Variants in ADAM12 observed in about 807,000 individuals in gnomAD.
The protein encoded by ADAM12 is disintegrin and metalloproteinase domain-containing protein 12.
ADAM12 carries 70 observed loss-of-function variants against 106.4 expected under a neutral mutation model. The ratio of observed to expected loss-of-function variants is 0.66; its 90% CI spans 0.54 to 0.80. The LOEUF (loss-of-function observed/expected upper bound fraction) is 0.80, where lower values mean the gene tolerates loss of function less well. Among genes scored for constraint, ADAM12 ranks in the 30% least tolerant of loss-of-function variants. The pLI, the probability that ADAM12 is intolerant of heterozygous loss-of-function variation, is 0.00. For synonymous variants in ADAM12, 420 were observed against 433.5 expected, an observed-to-expected ratio of 0.97 and a Z score of 0.39; for missense variants, 1,010 against 1,171.9, an observed-to-expected ratio of 0.86 and a Z score of 2.02.
At chr10:126,061,359 T>G (rs1212138968) in intron 14 of ADAM12, among the ~76,000 whole-genome samples, 2 of 152,250 alleles carry the variant, frequency 1.3e-5, no homozygotes, top group Non-Finnish European at 2.9e-5. Flanking sequence ...TCACTATCCT[T>G]ATTTTACAGA....
chr10:126,299,013 T>G (rs1404589877), intron 2 of ADAM12, among the ~76,000 whole-genome samples: 2 of 152,180 alleles, frequency 1.3e-5, no homozygotes, highest in Non-Finnish European at 2.9e-5. Flanking sequence ...ACTAAGGACT[T>G]TTCTTCAGGA....
intron 6 of ADAM12, among the ~76,000 whole-genome samples, chr10:126,116,088 C>T (rs964175048): frequency 6.6e-6 from 1 of 152,174 alleles, no homozygotes; most frequent in Non-Finnish European, 1.5e-5. Context: ...TTCCCATTCT[C>T]CCCATTTCTC....
At chr10:126,301,212 G>T (rs1334723723) in intron 2 of ADAM12, among the ~76,000 whole-genome samples, 2 of 152,156 alleles carry the variant, frequency 1.3e-5, no homozygotes, top group African/African-American at 2.4e-5. Context: ...AGAAACCCTG[G>T]TTTAAATTTT....
intron 5 of ADAM12, among the ~76,000 whole-genome samples, chr10:126,133,589 GC>G (rs1433526364): frequency 1.6e-4 from 24 of 152,192 alleles, no homozygotes; most frequent in Admixed American, 1.4e-3. Flanking sequence ...CAGCTGGAGT[GC>G]CCCTGTAAAA....
chr10:126,099,751 G>A (rs369384266), intron 9 of ADAM12, among the ~76,000 whole-genome samples: 12 of 152,302 alleles, frequency 7.9e-5, no homozygotes, highest in African/African-American at 2.4e-4. Context: ...CAGTTCAGAC[G>A]TAGGCATTTT....
At chr10:126,038,055 G>T (rs1954090289) in intron 20 of ADAM12, among the ~76,000 whole-genome samples, 186 bp downstream of exon 20, 1 of 152,188 alleles carries the variant, frequency 6.6e-6, no homozygotes, top group African/African-American at 2.4e-5. Context: ...GGCTTCCATG[G>T]GGGCACCGTG....
intron 1 of ADAM12, among the ~76,000 whole-genome samples, chr10:126,356,435 G>A (rs1046567216): frequency 6.6e-6 from 1 of 152,188 alleles, no homozygotes; most frequent in Non-Finnish European, 1.5e-5. Context: ...AGCTTTGCCT[G>A]CCTGGGGTCA....
chr10:126,174,755 C>T (rs868150802), intron 3 of ADAM12, among the ~76,000 whole-genome samples: 5 of 148,170 alleles, frequency 3.4e-5, no homozygotes, highest in African/African-American at 1.2e-4. Flanking sequence ...TCCTCACCCC[C>T]CCTTTTTTTT....
At chr10:126,274,171 C>T (rs1372155072) in intron 3 of ADAM12, among the ~76,000 whole-genome samples, 1 of 152,120 alleles carries the variant, frequency 6.6e-6, no homozygotes, top group Admixed American at 6.5e-5. Context: ...TACCCCTGAC[C>T]GTAAGGATGT....
At chr10:126,332,182 C>G (rs575305869) in intron 1 of ADAM12, among the ~76,000 whole-genome samples, 8 of 152,214 alleles carry the variant, frequency 5.3e-5, no homozygotes, top group Non-Finnish European at 1.0e-4. Context: ...TGGTGACAGG[C>G]ACTCTTGTCA....
chr10:126,108,445 G>T (rs1955814261), intron 8 of ADAM12, 148 bp downstream of exon 8: 1 of 680,388 alleles, frequency 1.5e-6, no homozygotes, highest in Admixed American at 2.6e-5. Flanking sequence ...CAGGACCCAG[G>T]AATTACACAC....
intron 22 of ADAM12, among the ~76,000 whole-genome samples, chr10:126,019,129 G>C (rs1953712216): frequency 6.6e-6 from 1 of 152,120 alleles, no homozygotes; most frequent in Non-Finnish European, 1.5e-5. Flanking sequence ...TTGTTTAAAA[G>C]TGTGTGGCAC....
intron 12 of ADAM12, chr10:126,067,050 A>T (rs1355413243): frequency 2.1e-6 from 1 of 480,330 alleles, no homozygotes; most frequent in Non-Finnish European, 3.8e-6. Flanking sequence ...AAGGTAAAGC[A>T]GTTGTAACAT....
intron 3 of ADAM12, among the ~76,000 whole-genome samples, chr10:126,255,244 TAC>T (rs1296020195): frequency 6.6e-6 from 1 of 152,234 alleles, no homozygotes; most frequent in Non-Finnish European, 1.5e-5. Context: ...TTCCTTTTGC[TAC>T]ACTCAATGAA....
chr10:126,071,152 G>A (rs1954981329), intron 12 of ADAM12, among the ~76,000 whole-genome samples: 1 of 152,140 alleles, frequency 6.6e-6, no homozygotes, highest in Non-Finnish European at 1.5e-5. Context: ...GCTATTTGAA[G>A]CTAGAATTCC....
chr10:126,246,997 T>G (rs910007975), intron 3 of ADAM12, among the ~76,000 whole-genome samples: 1 of 152,212 alleles, frequency 6.6e-6, no homozygotes, highest in Non-Finnish European at 1.5e-5. Flanking sequence ...CCCCATAGTT[T>G]CAGCCCAAAA....
Position 126,108,474 on chromosome 10 carries a change from T to C in ADAM12, c.741+119A>G, listed in dbSNP as rs890290775. The C allele has an allele frequency of 6.7e-6, 6 of 892,570 alleles. No individual in the cohort carries two copies. The African/African-American group carries it at 1.0e-4, about 15-fold the overall frequency. 55.3% of individuals were successfully genotyped at this position (892,570 alleles called of 1,614,324 possible). A position where few individuals can be genotyped will look rare whatever the true frequency, so the allele number is the denominator to read the frequency against. ...TACACACTCAGAGGACAGGAAACAG[T>C]TCCAAACCAAGGCCCAGAGGCAGAA... On this transcript the variant is annotated intron_variant, in intron 8 of 22. Transcript: ENST00000448723.
At chr10:126,353,298 G>T (rs1479486513) in intron 1 of ADAM12, among the ~76,000 whole-genome samples, 1 of 152,158 alleles carries the variant, frequency 6.6e-6, no homozygotes, top group Non-Finnish European at 1.5e-5. Flanking sequence ...AAGGTCACAT[G>T]CCTAGATCTG....
chr10:126,159,307 C>CAAAAAAAAAAAAA (rs3069557), intron 3 of ADAM12, among the ~76,000 whole-genome samples: 8 of 80,596 alleles, frequency 9.9e-5, no homozygotes, highest in East Asian at 3.5e-4. Context: ...GAGACTCCAT[C>CAAAAAAAAAAAAA]AAAAAAAAAA....
Sources: allele counts gnomAD v4.1 joint callset (sites outside exome capture counted in the v4.1 genomes callset), GRCh38; gene constraint gnomAD v4.1.1; transcripts MANE v1.5; gene names NCBI Gene and HGNC (gene_info 2026-07-23, HGNC 2026-07-21).